Variants in RBM20 observed in about 807,000 individuals in gnomAD.
RBM20 encodes RNA-binding protein 20.
RBM20 carries 51 observed loss-of-function variants against 110.1 expected under a neutral mutation model. That is an observed-to-expected ratio of 0.46 (90% CI 0.37 to 0.59). RBM20 has a LOEUF of 0.59. Among genes scored for constraint, RBM20 ranks in the 20% least tolerant of loss-of-function variants. The pLI is 0.00. For synonymous variants in RBM20, 589 were observed against 618.2 expected (o/e 0.95, Z 0.70); for missense variants, 1,512 against 1,574.9 (o/e 0.96, Z 0.68).
chr10:110,738,528 T>C (rs1843695190), intron 1 of RBM20, among the ~76,000 whole-genome samples: 1 of 152,168 alleles, frequency 6.6e-6, no homozygotes, highest in African/African-American at 2.4e-5. Context: ...CGTGGAATGT[T>C]TCACTTTGAC....
At chr10:110,732,997 G>C (rs1564828794) in intron 1 of RBM20, among the ~76,000 whole-genome samples, 1 of 152,148 alleles carries the variant, frequency 6.6e-6, no homozygotes, top group Non-Finnish European at 1.5e-5. Context: ...TTTCCATATG[G>C]AATCAATTCT....
chr10:110,699,426 C>A (rs1441377831), intron 1 of RBM20, among the ~76,000 whole-genome samples: 2 of 151,874 alleles, frequency 1.3e-5, no homozygotes, highest in Non-Finnish European at 2.9e-5. Flanking sequence ...CGCTGACCAC[C>A]ACGCCTGGCT....
At chr10:110,683,620 T>C (rs1862455515) in intron 1 of RBM20, among the ~76,000 whole-genome samples, 1 of 152,244 alleles carries the variant, frequency 6.6e-6, no homozygotes, top group South Asian at 2.1e-4. Flanking sequence ...TTGTAACTTT[T>C]ACTTGCTCAT....
chr10:110,824,405 T>C (rs138979228), intron 12 of RBM20, among the ~76,000 whole-genome samples: 1,626 of 152,310 alleles, frequency 0.011, 16 homozygotes, highest in Non-Finnish European at 0.018. Context: ...TAGAATGTGT[T>C]TGGGGCAGAC....
chr10:110,753,295 C>T (rs537483241), intron 1 of RBM20, among the ~76,000 whole-genome samples: 2 of 152,206 alleles, frequency 1.3e-5, no homozygotes, highest in Non-Finnish European at 2.9e-5. Flanking sequence ...CATAGAGTAA[C>T]TCAAGGTCCT....
Position 110,644,622 on chromosome 10 carries a change from C to G in RBM20, c.168C>G (p.Ala56=). 6.6e-7 allele frequency: 1 copy of G among 1,515,190 alleles called. No individual in the cohort carries two copies. Among genetic ancestry groups the G allele is most frequent in the Non-Finnish European group, 8.8e-7 (1 of 1,135,424 alleles). 93.9% of individuals were successfully genotyped at this position (1,515,190 alleles called of 1,614,324 possible). A position where few individuals can be genotyped will look rare whatever the true frequency, so the allele number is the denominator to read the frequency against. The change falls in exon 1 of 14, where the codon GCC becomes GCG. Residue 56 remains alanine (A), a synonymous_variant. Coordinates refer to ENST00000369519, the MANE Select transcript of RBM20 (RefSeq NM_001134363.3). This position sits in a 1 kb window ranked among gnomAD's most constrained non-coding sequence, Gnocchi z 4.3. ...PPPQPPPPPQ[A]GLPQIIQNAA... The stretch of plus-strand genomic sequence containing the variant: ...CCCAGCCACCGCCCCCGCCCCAAGC[C>G]GGCCTACCCCAGATCATCCAAAAGT...
At chr10:110,787,981 A>G (rs532246354) in intron 5 of RBM20, among the ~76,000 whole-genome samples, 2 of 152,266 alleles carry the variant, frequency 1.3e-5, no homozygotes, top group African/African-American at 4.8e-5. Flanking sequence ...AGACAACCCC[A>G]TGAGGTGGAT....
chr10:110,656,264 C>T (rs1862025379), intron 1 of RBM20, among the ~76,000 whole-genome samples: 3 of 151,978 alleles, frequency 2.0e-5, no homozygotes, highest in South Asian at 2.1e-4. Flanking sequence ...GTGGAGATAG[C>T]GCCATTGCAC....
chr10:110,644,607 GC>G lies in RBM20; in HGVS notation c.158del (p.Pro53ArgfsTer51). 1.8e-6 allele frequency: 2 copies of G among 1,091,274 alleles called. No homozygotes were observed. The highest frequency in any genetic ancestry group is 1.3e-6 in the Non-Finnish European group (1 of 785,572). 67.6% of individuals were successfully genotyped at this position (1,091,274 alleles called of 1,614,324 possible). On this transcript the variant is annotated frameshift_variant, in exon 1 of 14. Transcript: ENST00000369519. LOFTEE classifies it high-confidence loss of function. This position sits in a 1 kb window ranked among gnomAD's most constrained non-coding sequence, Gnocchi z 4.3. ...QQPPPPPQPP[P>X]PPQAGLPQII... The stretch of plus-strand genomic sequence containing the variant: ...AGCCGCCGCCGCCGCCCCAGCCACC[GC>G]CCCCGCCCCAAGCCGGCCTACCCCA...
At chr10:110,688,480 A>G (rs1425245201) in intron 1 of RBM20, among the ~76,000 whole-genome samples, 1 of 152,214 alleles carries the variant, frequency 6.6e-6, no homozygotes, top group Admixed American at 6.5e-5. Context: ...GATTCATACC[A>G]CAACATAATT....
At chr10:110,835,333 T>C (rs1160939039) in intron 13 of RBM20, 1 of 72,516 alleles carries the variant, frequency 1.4e-5, no homozygotes, top group Non-Finnish European at 2.4e-5. Flanking sequence ...TTTTTCTTTT[T>C]TTTTTCTTTT....
Position 110,781,483 on chromosome 10 carries a change from G to T in RBM20, c.874G>T (p.Val292Leu), listed in dbSNP as rs886046702. 1.3e-6 allele frequency: 2 copies of T among 1,551,540 alleles called. No homozygotes were observed. Among genetic ancestry groups the T allele is most frequent in the Non-Finnish European group, 1.7e-6 (2 of 1,146,996 alleles). The change falls in exon 2 of 14, where the codon GTG becomes TTG. Residue 292 changes from valine (V) to leucine (L), a missense_variant. By Grantham distance (32) the Val-to-Leu change is conservative. This residue lies in a region of RBM20 where 1,149 missense variants were observed against 1,169.4 expected (regional missense o/e 0.98). Coordinates refer to ENST00000369519, the MANE Select transcript of RBM20 (RefSeq NM_001134363.3). ...CGGACCCAACTCCCAAGGTTCACATGTGGCCAGCGGATTTCCAGCTGAGCA... is the reference window on the plus strand; with the variant it reads ...CGGACCCAACTCCCAAGGTTCACATTTGGCCAGCGGATTTCCAGCTGAGCA... Reference protein sequence around the residue: ...FYGPNSQGSHVASGFPAEQAG... With the variant: ...FYGPNSQGSHLASGFPAEQAG...
At chr10:110,660,674 G>T (rs913334008) in intron 1 of RBM20, among the ~76,000 whole-genome samples, 27 of 151,912 alleles carry the variant, frequency 1.8e-4, no homozygotes, top group African/African-American at 6.5e-4. Flanking sequence ...AATGCCTGAT[G>T]ATCTGTCACT....
chr10:110,834,231 C>T (rs547813596), intron 13 of RBM20, among the ~76,000 whole-genome samples: 9 of 152,356 alleles, frequency 5.9e-5, no homozygotes, highest in East Asian at 1.9e-4. Context: ...CCTCAGCACA[C>T]GGTTTACCCT....
rs530925237 is a variant in RBM20, at chr10:110,781,819, G to A, written c.1210G>A (p.Gly404Ser). Residue 404 changes from glycine to serine, a missense_variant, in exon 2 of 14, where the codon GGT becomes AGT. Coordinates refer to ENST00000369519, the MANE Select transcript of RBM20 (RefSeq NM_001134363.3). ...LQAHELNDFH[G>S]VAPLHLPHIC... is the part of the protein sequence containing the mutation. Reference sequence around the variant, plus strand: ...GGCTCATGAGCTGAACGACTTTCACGGTGTGGCCCCCCTCCACTTGCCGCA... The same window carrying A: ...GGCTCATGAGCTGAACGACTTTCACAGTGTGGCCCCCCTCCACTTGCCGCA... 63 of 1,551,754 alleles carry A rather than the reference G, an allele frequency of 4.1e-5. 1 individual carries two copies. The South Asian group carries it at 6.8e-4, about 17-fold the overall frequency.
chr10:110,715,287 C>A (rs146315895), intron 1 of RBM20, among the ~76,000 whole-genome samples: 1 of 152,124 alleles, frequency 6.6e-6, no homozygotes, highest in East Asian at 1.9e-4. Context: ...AAGAAAAAAC[C>A]CATAATTTGT....
Position 110,812,743 on chromosome 10 carries a change from C to T in RBM20, c.2346C>T (p.Ser782=), listed in dbSNP as rs894709573. The change falls in exon 9 of 14, where the codon TCC becomes TCT. Residue 782 remains serine (S), a synonymous_variant. Transcript: ENST00000369519. ...LKQQQDAPGR[S]RRKDEARLRE... is the part of the protein sequence containing the mutation. Reference sequence around the variant, plus strand: ...AGCAGCAGGATGCCCCCGGGAGGTCCAGGAGGAAAGACGAGGCCAGGCTGC... The same window carrying T: ...AGCAGCAGGATGCCCCCGGGAGGTCTAGGAGGAAAGACGAGGCCAGGCTGC... 1.9e-6 allele frequency: 3 copies of T among 1,551,590 alleles called. No homozygotes were observed. The highest frequency in any genetic ancestry group is 2.6e-6 in the Non-Finnish European group (3 of 1,147,014).
Position 110,799,842 on chromosome 10 carries a change from A to C in RBM20, c.1724A>C (p.Gln575Pro). Residue 575 changes from glutamine to proline, a missense_variant, in exon 7 of 14, where the codon CAA (glutamine) becomes CCA (proline). Physicochemically the swap from Gln to Pro is moderately conservative, Grantham distance 76 (BLOSUM62 -1). Around this residue, in one of 3 missense-constraint regions of RBM20, gnomAD observed 1,149 missense variants for 1,169.4 expected, o/e 0.98. Coordinates refer to ENST00000369519, the MANE Select transcript of RBM20 (RefSeq NM_001134363.3). ...EAAQAMVQYY[Q>P]EKSAVINGEK... ...GCACAGGCCATGGTCCAGTATTATC[A>C]AGAAAAATCTGCTGTGATCAATGGT... The C allele has an allele frequency of 6.4e-7, 1 of 1,551,938 alleles. No individual in the cohort carries two copies. Among genetic ancestry groups the C allele is most frequent in the Admixed American group, 2.0e-5 (1 of 51,002 alleles).
chr10:110,645,847 T>G (rs1385620779), intron 1 of RBM20, among the ~76,000 whole-genome samples: 2 of 152,216 alleles, frequency 1.3e-5, no homozygotes, highest in Non-Finnish European at 2.9e-5. Context: ...AATTGGATAT[T>G]TTATATAACT....
Sources: allele counts gnomAD v4.1 joint callset (sites outside exome capture counted in the v4.1 genomes callset), GRCh38; gene constraint gnomAD v4.1.1; regional missense constraint gnomAD v4.1.1; non-coding constraint Gnocchi (gnomAD v3.1); transcripts MANE v1.5; gene names NCBI Gene and HGNC (gene_info 2026-07-23, HGNC 2026-07-21).